Variants in SLC44A3 observed in about 807,000 individuals in gnomAD.
The protein encoded by SLC44A3 is choline transporter-like protein 3.
Under a neutral mutation model 75.4 loss-of-function variants are expected in SLC44A3, and 74 were observed. That is an observed-to-expected ratio of 0.98 (90% CI 0.81 to 1.19). The LOEUF (loss-of-function observed/expected upper bound fraction) is 1.19. Among genes scored for constraint, SLC44A3 ranks in the 50% most tolerant of loss-of-function variants. The pLI is 0.00. For missense variants in SLC44A3, 700 were observed against 778.6 expected (o/e 0.90, Z 1.20); for synonymous variants, 310 against 296.9 (o/e 1.04, Z -0.45).
In SLC44A3 at chr1:94,873,811, A is replaced by C. The variant is rs188809080; in HGVS notation, c.1482+6394A>C. Among the ~76,000 whole-genome samples, 101 of 152,328 alleles carry C rather than the reference A, an allele frequency of 6.6e-4. 1 individual carries two copies. The highest frequency in any genetic ancestry group is 2.4e-3 in the African/African-American group (99 of 41,564). On this transcript the variant is annotated intron_variant, in intron 12 of 14. Transcript: ENST00000271227. ...GAGCAGCATGTGCATCTCAGAAAAAAAGTAAAAATATTGTACAGTTTATCT... is the reference window on the plus strand; with the variant it reads ...GAGCAGCATGTGCATCTCAGAAAAACAGTAAAAATATTGTACAGTTTATCT...
rs1666140417 is a variant in SLC44A3 at position 94,858,195 on chromosome 1, T to G, written c.1238+695T>G. Among the ~76,000 whole-genome samples, 4 of 152,366 alleles carry G rather than the reference T, an allele frequency of 2.6e-5. No homozygotes were observed. In the South Asian group the frequency reaches 8.3e-4, roughly 32 times the overall value. ...AATTGACTTCAGACAAAAAAATTAC[T>G]GGTCTATTTTGAATATACTTCAGTA... is the stretch of plus-strand genomic sequence containing the variant. On this transcript the variant is annotated intron_variant, in intron 10 of 14. Transcript: ENST00000271227.
At chr1:94,881,373 A>G (rs144068095) in intron 12 of SLC44A3, among the ~76,000 whole-genome samples, 1 of 152,276 alleles carries the variant, frequency 6.6e-6, no homozygotes, top group East Asian at 1.9e-4. Context: ...CCATTTCCTC[A>G]GTTCTGGGCT....
rs779097204 is a variant in SLC44A3, at chr1:94,892,536, TCC to T, written c.1857+20_1857+21del. On this transcript the variant is annotated intron_variant, in intron 14 of 14. Transcript: ENST00000271227. ...ATTTCTGGTAAGCAAACATTTCATT[TCC>T]AATTGCAATCTCCATGCTCGCAATC... 11 of 1,608,452 alleles carry T rather than the reference TCC, an allele frequency of 6.8e-6. No homozygotes were observed. The highest frequency in any genetic ancestry group is 3.3e-5 in the Admixed American group (2 of 59,874).
chr1:94,881,634 G>A (rs1267697476), intron 12 of SLC44A3, among the ~76,000 whole-genome samples: 2 of 151,438 alleles, frequency 1.3e-5, no homozygotes, highest in Non-Finnish European at 2.9e-5. Context: ...AACCCGGGAG[G>A]CGAAGCTTGC....
chr1:94,829,547 T>C (rs749661003), intron 5 of SLC44A3, among the ~76,000 whole-genome samples: 2 of 152,212 alleles, frequency 1.3e-5, no homozygotes, highest in Non-Finnish European at 2.9e-5. Flanking sequence ...AATAAAGTTG[T>C]AATGATGGAA....
intron 2 of SLC44A3, among the ~76,000 whole-genome samples, chr1:94,822,495 C>CT (rs1373232219): frequency 1.6e-4 from 25 of 151,862 alleles, no homozygotes; most frequent in Admixed American, 1.6e-3. Flanking sequence ...TGTTTTTGGA[C>CT]TTTTTTTTCT....
chr1:94,821,530 T>C (rs1660588278), intron 2 of SLC44A3, among the ~76,000 whole-genome samples: 3 of 152,296 alleles, frequency 2.0e-5, no homozygotes, highest in Admixed American at 1.3e-4. Flanking sequence ...CCAACACTGT[T>C]AACCATAGCT....
At chr1:94,890,526 T>C (rs1670093357) in intron 12 of SLC44A3, among the ~76,000 whole-genome samples, 1 of 152,186 alleles carries the variant, frequency 6.6e-6, no homozygotes, top group Admixed American at 6.5e-5. Flanking sequence ...TGAGGCTGAA[T>C]TGAGTATGAA....
At chr1:94,838,325 G>A (rs1663098624) in intron 6 of SLC44A3, among the ~76,000 whole-genome samples, 1 of 152,200 alleles carries the variant, frequency 6.6e-6, no homozygotes, top group South Asian at 2.1e-4. Context: ...GACTGCAAGG[G>A]CCTGCTGTAT....
chr1:94,864,796 T>G lies in SLC44A3; in HGVS notation c.1292T>G (p.Phe431Cys). The G allele has an allele frequency of 1.2e-6, 2 of 1,614,074 alleles. No individual in the cohort carries two copies. Among genetic ancestry groups the G allele is most frequent in the Non-Finnish European group, 1.7e-6 (2 of 1,179,934 alleles). Residue 431 changes from phenylalanine to cysteine, a missense_variant, in exon 11 of 15, where the codon TTC becomes TGC. Phe to Cys is a radical substitution (Grantham distance 205). Coordinates refer to ENST00000271227, the MANE Select transcript of SLC44A3 (RefSeq NM_001114106.3). ...HPILSSLSILFFYHQGTVVKG... is the reference protein window; with the variant it reads ...HPILSSLSILCFYHQGTVVKG... Reference sequence around the variant, plus strand: ...ATCCTTTCGTCTCTCTCCATTCTCTTCTTCTACCATCAAGGAACCGTTGTG... The same window carrying G: ...ATCCTTTCGTCTCTCTCCATTCTCTGCTTCTACCATCAAGGAACCGTTGTG...
At chr1:94,856,411 G>T (rs1239377800) in intron 9 of SLC44A3, among the ~76,000 whole-genome samples, 1 of 152,168 alleles carries the variant, frequency 6.6e-6, no homozygotes, top group African/African-American at 2.4e-5. Context: ...TCTGAACCTG[G>T]GAAGGTTAAC....
In SLC44A3 at chr1:94,820,498, G is replaced by C; in HGVS notation, c.27+20G>C. On this transcript the variant is annotated intron_variant, in intron 1 of 14. Coordinates refer to ENST00000271227, the MANE Select transcript of SLC44A3 (RefSeq NM_001114106.3). ...TACCTGGTAAGCGCTCGCAGCCTCG[G>C]CCCTCGGGGGAGGAGCCCCGGGGAA... is the stretch of plus-strand genomic sequence containing the variant. The C allele has an allele frequency of 2.7e-6, 4 of 1,489,816 alleles. No homozygotes were observed. The South Asian group carries it at 5.0e-5, about 19-fold the overall frequency. 92.3% of individuals were successfully genotyped at this position (1,489,816 alleles called of 1,614,324 possible).
At chr1:94,842,351 G>C (rs1663768075) in intron 8 of SLC44A3, among the ~76,000 whole-genome samples, 1 of 152,218 alleles carries the variant, frequency 6.6e-6, no homozygotes, top group Non-Finnish European at 1.5e-5. Flanking sequence ...AGAGACTACT[G>C]TGTTATCCTT....
intron 8 of SLC44A3, 111 bp from the exon 9 acceptor site, chr1:94,845,167 A>G (rs1193022883): frequency 1.8e-6 from 2 of 1,137,296 alleles, no homozygotes; most frequent in Non-Finnish European, 2.5e-6. Context: ...GTGAGTAACT[A>G]TCTTAAAAGA....
intron 12 of SLC44A3, among the ~76,000 whole-genome samples, chr1:94,868,773 T>C (rs928967569): frequency 3.3e-5 from 5 of 152,244 alleles, no homozygotes; most frequent in Non-Finnish European, 7.3e-5. Flanking sequence ...GATATACAAA[T>C]ATGTTGGCCA....
intron 6 of SLC44A3, among the ~76,000 whole-genome samples, 199 bp from the exon 7 acceptor site, chr1:94,839,749 A>G (rs571770483): frequency 5.9e-5 from 9 of 152,228 alleles, no homozygotes; most frequent in African/African-American, 2.2e-4. Flanking sequence ...ACCACACTTG[A>G]TTGAATGGTG....
At chr1:94,829,152 G>A (rs1661775072) in intron 5 of SLC44A3, among the ~76,000 whole-genome samples, 1 of 152,018 alleles carries the variant, frequency 6.6e-6, no homozygotes, top group Admixed American at 6.6e-5. Flanking sequence ...GTGTGGTGGT[G>A]CATGCCTGTA....
At chr1:94,848,852 G>A (rs1247855368) in intron 9 of SLC44A3, among the ~76,000 whole-genome samples, 3 of 152,120 alleles carry the variant, frequency 2.0e-5, no homozygotes, top group Non-Finnish European at 4.4e-5. Context: ...CATGCTGTGA[G>A]TCAGGGAGGG....
rs145447840 is a variant in SLC44A3, at chr1:94,873,582, C to A, written c.1482+6165C>A. Among the ~76,000 whole-genome samples the A allele has an allele frequency of 1.1e-3, 163 of 152,274 alleles. 1 individual carries two copies. Among genetic ancestry groups the A allele is most frequent in the African/African-American group, 3.8e-3 (157 of 41,554 alleles). On this transcript the variant is annotated intron_variant, in intron 12 of 14. Transcript: ENST00000271227. ...ATAATGTTGGTCTCTGTCTTCTAAG[C>A]CTTTGCGGCAGACTCAACTTTGTAG...
Sources: allele counts gnomAD v4.1 joint callset (sites outside exome capture counted in the v4.1 genomes callset), GRCh38; gene constraint gnomAD v4.1.1; transcripts MANE v1.5; gene names NCBI Gene and HGNC (gene_info 2026-07-23, HGNC 2026-07-21).